RAB3D: variants seen among roughly 807,000 people sequenced by gnomAD.
RAB3D encodes RAB3D, member RAS oncogene family.
In RAB3D, 17 loss-of-function variants were observed where a neutral mutation model predicts 19.3. The observed-to-expected ratio is 0.88, with a 90% CI of 0.60 to 1.32. The LOEUF is 1.32. Among genes scored for constraint, RAB3D ranks in the 40% most tolerant of loss-of-function variants. The pLI is 0.00. For synonymous variants in RAB3D, 103 were observed against 119.9 expected (o/e 0.86, Z 0.92); for missense variants, 223 against 299.1 (o/e 0.75, Z 1.88).
chr19:11,339,132 C>T (rs1356693948), intron 1 of RAB3D, among the ~76,000 whole-genome samples: 2 of 152,190 alleles, frequency 1.3e-5, no homozygotes, highest in South Asian at 2.1e-4. Context: ...AGGCTGGGGC[C>T]CCCACCTCCC....
Position 11,337,335 on chromosome 19 carries a change from A to G in RAB3D, c.65T>C (p.Met22Thr). ...GTTGCCTATCAGTAGCAGTTTGAAC[A>G]TATAGTCGAAGTTCTGATCTGCTGC... The part of the protein sequence containing the change: ...RDAADQNFDY[M>T]FKLLLIGNSS... The change falls in exon 2 of 5, where the codon ATG becomes ACG. Residue 22 changes from methionine (M) to threonine (T), a missense_variant. By Grantham distance (81) the Met-to-Thr change is moderately conservative. Coordinates refer to ENST00000222120, the MANE Select transcript of RAB3D (RefSeq NM_004283.4). 1 of 1,614,188 alleles carries G rather than the reference A, an allele frequency of 6.2e-7. No individual in the cohort carries two copies. The highest frequency in any genetic ancestry group is 8.5e-7 in the Non-Finnish European group (1 of 1,180,034).
In RAB3D at chr19:11,335,442, C is replaced by A. The variant is rs999415445; in HGVS notation, c.472+5G>T. 4.3e-6 allele frequency: 7 copies of A among 1,613,992 alleles called. No homozygotes were observed. The highest frequency in any genetic ancestry group is 5.9e-6 in the Non-Finnish European group (7 of 1,179,942). On this transcript the variant is annotated splice_donor_5th_base_variant and intron_variant, in intron 4 of 4. Coordinates refer to ENST00000222120, the MANE Select transcript of RAB3D (RefSeq NM_004283.4). ...CAGGGCCTGTGGCCCAGGCTGGGCA[C>A]TAACCAAGGTCGTCGGCGAGCCTCC...
rs1232731126 is a variant in RAB3D at position 11,324,270 on chromosome 19, AAAAAG to A, written c.*1123_*1127del. On this transcript the variant is annotated 3_prime_UTR_variant, in exon 5 of 5. Coordinates refer to ENST00000222120, the MANE Select transcript of RAB3D (RefSeq NM_004283.4). ...GACCATCTCAAAAAGAAAAAAAAAA[AAAAAG>A]AAGTGACTCCTCCATTAGCAAAAAT... is the stretch of plus-strand genomic sequence containing the variant. The A allele has an allele frequency of 1.3e-5, 2 of 153,162 alleles. No homozygotes were observed. The highest frequency in any genetic ancestry group is 2.9e-5 in the Non-Finnish European group (2 of 68,942). The allele number at this position is 153,162 out of a possible 1,614,324, so 9.5% of individuals were successfully genotyped here.
chr19:11,335,148 T>C (rs1386996720), intron 4 of RAB3D, among the ~76,000 whole-genome samples: 1 of 152,196 alleles, frequency 6.6e-6, no homozygotes, highest in Non-Finnish European at 1.5e-5. Flanking sequence ...GATCTGTAGG[T>C]TTCACTCCTA....
In RAB3D at chr19:11,337,414, C is replaced by T; in HGVS notation, c.-15G>A. ...GCTGATGCCATCTTGGCACAAGCCT[C>T]CTGGGACAGGGAGACCTGAAATCCT... On this transcript the variant is annotated 5_prime_UTR_variant, in exon 2 of 5. Transcript: ENST00000222120. 3.7e-6 allele frequency: 6 copies of T among 1,609,938 alleles called. No homozygotes were observed. The highest frequency in any genetic ancestry group is 5.1e-6 in the Non-Finnish European group (6 of 1,176,252).
Position 11,335,554 on chromosome 19 carries a change from G to A in RAB3D, c.365C>T (p.Thr122Ile). Residue 122 changes from threonine to isoleucine, a missense_variant, in exon 4 of 5, where the codon ACC (threonine) becomes ATC (isoleucine). Coordinates refer to ENST00000222120, the MANE Select transcript of RAB3D (RefSeq NM_004283.4). ...GACCTGGGCGTTGTCCCAGGAGTAG[G>A]TCTTGATTTGCGTGGCCCTGCAGAG... is the stretch of plus-strand genomic sequence containing the variant. Reference protein sequence around the residue: ...AVQDWATQIKTYSWDNAQVIL... With the variant: ...AVQDWATQIKIYSWDNAQVIL... 1.2e-6 allele frequency: 2 copies of A among 1,614,156 alleles called. No homozygotes were observed. The highest frequency in any genetic ancestry group is 1.1e-5 in the South Asian group (1 of 91,090).
chr19:11,326,151 G>C (rs2080811279), intron 4 of RAB3D, among the ~76,000 whole-genome samples: 1 of 151,852 alleles, frequency 6.6e-6, no homozygotes, highest in African/African-American at 2.4e-5. Context: ...GAATCTGGGA[G>C]GCGGAGGTTA....
chr19:11,329,937 C>T (rs890802881), intron 4 of RAB3D, among the ~76,000 whole-genome samples: 1 of 152,200 alleles, frequency 6.6e-6, no homozygotes, highest in African/African-American at 2.4e-5. Flanking sequence ...CCACTTCAGC[C>T]TCCCAAAGTG....
intron 4 of RAB3D, among the ~76,000 whole-genome samples, chr19:11,334,231 G>C (rs556864765): frequency 6.6e-6 from 1 of 151,992 alleles, no homozygotes; most frequent in Non-Finnish European, 1.5e-5. Flanking sequence ...CCAACACTTC[G>C]GGAGGCTGAG....
At chr19:11,327,887 T>C (rs1482021834) in intron 4 of RAB3D, among the ~76,000 whole-genome samples, 1 of 151,876 alleles carries the variant, frequency 6.6e-6, no homozygotes, top group Non-Finnish European at 1.5e-5. Flanking sequence ...TGTCATTCAA[T>C]AGAGAAATTT....
chr19:11,325,371 G>A lies in RAB3D; in HGVS notation c.*27C>T, dbSNP rs545455413. 1.0e-4 allele frequency: 144 copies of A among 1,441,146 alleles called. No homozygotes were observed. In the African/African-American group the frequency reaches 1.9e-3, roughly 19 times the overall value. 89.3% of individuals were successfully genotyped at this position (1,441,146 alleles called of 1,614,324 possible). A position where few individuals can be genotyped will look rare whatever the true frequency, so the allele number is the denominator to read the frequency against. On this transcript the variant is annotated 3_prime_UTR_variant, in exon 5 of 5. Coordinates refer to ENST00000222120, the MANE Select transcript of RAB3D (RefSeq NM_004283.4). Reference sequence around the variant, plus strand: ...CACAGTCCCTGCCGAGGCAGGAGAGGGGTGGGTGGGGGGTTGGGGGCCATC... The same window carrying A: ...CACAGTCCCTGCCGAGGCAGGAGAGAGGTGGGTGGGGGGTTGGGGGCCATC...
intron 4 of RAB3D, among the ~76,000 whole-genome samples, chr19:11,332,067 CTT>C (rs1212620296): frequency 1.3e-5 from 2 of 152,328 alleles, no homozygotes; most frequent in African/African-American, 4.8e-5. Flanking sequence ...GAGTTTCACT[CTT>C]CTTACCCAGG....
intron 4 of RAB3D, among the ~76,000 whole-genome samples, chr19:11,331,396 T>TC (rs35773287): frequency 0.036 from 5,408 of 151,626 alleles, 112 homozygotes; most frequent in African/African-American, 0.049. Context: ...CATATTATTT[T>TC]TTTTCAACCA....
At chr19:11,336,720 C>A (rs1415967403) in intron 2 of RAB3D, among the ~76,000 whole-genome samples, 2 of 151,920 alleles carry the variant, frequency 1.3e-5, no homozygotes, top group South Asian at 4.2e-4. Context: ...CCTGTAATCC[C>A]AGCGCTTTGG....
intron 4 of RAB3D, among the ~76,000 whole-genome samples, chr19:11,326,493 G>C (rs2080813828): frequency 6.6e-6 from 1 of 152,224 alleles, no homozygotes; most frequent in African/African-American, 2.4e-5. Context: ...TACATGAAGA[G>C]TTCTGCTGCC....
intron 2 of RAB3D, among the ~76,000 whole-genome samples, chr19:11,336,955 G>A (rs1966900638): frequency 1.3e-5 from 2 of 148,680 alleles, no homozygotes; most frequent in Non-Finnish European, 3.0e-5. Context: ...GGGCGACAGA[G>A]CAAGACTCTG....
In RAB3D at chr19:11,323,840, C is replaced by G. The variant is rs1234578572; in HGVS notation, c.*1558G>C. The G allele has an allele frequency of 6.6e-6, 1 of 152,206 alleles. No individual in the cohort carries two copies. The highest frequency in any genetic ancestry group is 2.4e-5 in the African/African-American group (1 of 41,438). The allele number at this position is 152,206 out of a possible 1,614,324, so 9.4% of individuals were successfully genotyped here. A position where few individuals can be genotyped will look rare whatever the true frequency, so the allele number is the denominator to read the frequency against. ...AACATAAAACATCCACTTAGCCATC[C>G]TAACAGTGCTGGTCCTGTGAAGGGG... is the stretch of plus-strand genomic sequence containing the variant. On this transcript the variant is annotated 3_prime_UTR_variant, in exon 5 of 5. Coordinates refer to ENST00000222120, the MANE Select transcript of RAB3D (RefSeq NM_004283.4).
rs948561533 is a variant in RAB3D, at chr19:11,337,237, C to T, written c.163G>A (p.Val55Met). The change falls in exon 2 of 5, where the codon GTG becomes ATG. Residue 55 changes from valine (V) to methionine (M), a missense_variant. By Grantham distance (21) the Val-to-Met change is conservative (BLOSUM62 1). Coordinates refer to ENST00000222120, the MANE Select transcript of RAB3D (RefSeq NM_004283.4). Reference protein sequence around the residue: ...DSFTPAFVSTVGIDFKVKTVY... With the variant: ...DSFTPAFVSTMGIDFKVKTVY... ...GTCTTGACCTTGAAATCGATGCCCA[C>T]AGTACTGACGAAGGCGGGAGTGAAG... 5 of 1,614,128 alleles carry T rather than the reference C, an allele frequency of 3.1e-6. No individual in the cohort carries two copies. Among genetic ancestry groups the T allele is most frequent in the South Asian group, 1.1e-5 (1 of 91,088 alleles).
At chr19:11,338,334 G>GT (rs1216672994) in intron 1 of RAB3D, among the ~76,000 whole-genome samples, 2 of 152,218 alleles carry the variant, frequency 1.3e-5, no homozygotes, top group African/African-American at 4.8e-5. Context: ...GAAGGCACAG[G>GT]TGTGGACTTC....
Sources: gnomAD v4.1 joint callset for allele counts (sites outside exome capture counted in the v4.1 genomes callset) on GRCh38, gnomAD v4.1.1 for gene constraint, MANE v1.5 for transcripts, NCBI Gene and HGNC (gene_info 2026-07-23, HGNC 2026-07-21) for gene names.